TRAPPC11: variants seen among roughly 807,000 people sequenced by gnomAD.
The protein encoded by TRAPPC11 is trafficking protein particle complex subunit 11.
Under a neutral mutation model 151.2 loss-of-function variants are expected in TRAPPC11, and 104 were observed. The observed-to-expected ratio is 0.69, with a 90% CI of 0.59 to 0.81. The LOEUF (loss-of-function observed/expected upper bound fraction) is 0.81, where lower values mean the gene tolerates loss of function less well. Among genes scored for constraint, TRAPPC11 ranks in the 30% least tolerant of loss-of-function variants. TRAPPC11 has a pLI of 0.00. For missense variants in TRAPPC11, 1,230 were observed against 1,349.6 expected (o/e 0.91, Z 1.39); for synonymous variants, 456 against 472.3 (o/e 0.97, Z 0.45).
chr4:183,670,154 G>A (rs976677855), intron 5 of TRAPPC11, among the ~76,000 whole-genome samples: 7 of 152,130 alleles, frequency 4.6e-5, no homozygotes, highest in African/African-American at 1.7e-4. Flanking sequence ...AGCTACTGAT[G>A]GCACACTTAC....
intron 1 of TRAPPC11, among the ~76,000 whole-genome samples, chr4:183,662,086 G>T (rs1447584818): frequency 6.6e-6 from 1 of 151,902 alleles, no homozygotes; most frequent in Non-Finnish European, 1.5e-5. Flanking sequence ...TAATATGCTG[G>T]TATAGATTAT....
intron 10 of TRAPPC11, among the ~76,000 whole-genome samples, chr4:183,680,603 G>GGAAA (rs1330500122): frequency 4.0e-5 from 6 of 150,532 alleles, no homozygotes; most frequent in Non-Finnish European, 7.4e-5. Context: ...GTAAAAGTTT[G>GGAAA]GAAATCTGTT....
At chr4:183,686,791 T>C (rs765151515) in intron 18 of TRAPPC11, 43 bp downstream of exon 18, 3 of 1,600,840 alleles carry the variant, frequency 1.9e-6, no homozygotes, top group Admixed American at 3.4e-5. Flanking sequence ...TTTATCTTAT[T>C]GTAGCTTATG....
intron 5 of TRAPPC11, among the ~76,000 whole-genome samples, chr4:183,670,794 G>GT (rs944050618): frequency 5.3e-5 from 8 of 150,116 alleles, no homozygotes; most frequent in African/African-American, 1.5e-4. Context: ...TTGGTTTTTG[G>GT]TTTTTTTTTG....
intron 25 of TRAPPC11, among the ~76,000 whole-genome samples, chr4:183,698,201 A>T (rs1338632705): frequency 6.6e-6 from 1 of 152,180 alleles, no homozygotes; most frequent in Non-Finnish European, 1.5e-5. Context: ...GGTATTTATT[A>T]AAGAAACTTT....
chr4:183,674,070 TA>T (rs1311278151), intron 5 of TRAPPC11, among the ~76,000 whole-genome samples: 2 of 152,116 alleles, frequency 1.3e-5, no homozygotes, highest in Admixed American at 6.6e-5. Flanking sequence ...AGACTTTTTA[TA>T]AAAATATAAA....
intron 16 of TRAPPC11, 63 bp downstream of exon 16, chr4:183,685,208 A>C: frequency 6.2e-7 from 1 of 1,610,064 alleles, no homozygotes; most frequent in Non-Finnish European, 8.5e-7. Flanking sequence ...ATCTATATCA[A>C]CTAATCCAAG....
chr4:183,674,093 G>A (rs1399352096), intron 5 of TRAPPC11, among the ~76,000 whole-genome samples: 2 of 151,980 alleles, frequency 1.3e-5, no homozygotes, highest in African/African-American at 4.8e-5. Flanking sequence ...TAGTAGGGGC[G>A]AATGTGCTTT....
chr4:183,707,062 AAT>A, intron 28 of TRAPPC11, 122 bp downstream of exon 28: 1 of 1,247,216 alleles, frequency 8.0e-7, no homozygotes, highest in Non-Finnish European at 1.1e-6. Flanking sequence ...TTGTTTTGGT[AAT>A]AGTGAATTTT....
At chr4:183,690,525 A>G (rs1736208890) in intron 18 of TRAPPC11, among the ~76,000 whole-genome samples, 2 of 152,246 alleles carry the variant, frequency 1.3e-5, no homozygotes, top group Non-Finnish European at 2.9e-5. Context: ...TCCTCTAGAC[A>G]GTTGTGGATA....
intron 7 of TRAPPC11, chr4:183,675,472 A>C: frequency 7.9e-6 from 2 of 252,152 alleles, no homozygotes. Flanking sequence ...TGATTAATTA[A>C]ATTTTATGAG....
chr4:183,702,663 T>C (rs1338183481), intron 26 of TRAPPC11, among the ~76,000 whole-genome samples: 2 of 152,194 alleles, frequency 1.3e-5, no homozygotes, highest in African/African-American at 4.8e-5. Context: ...CAATTCAGGA[T>C]AGTGGTTACC....
intron 1 of TRAPPC11, among the ~76,000 whole-genome samples, chr4:183,660,999 G>T (rs370135206): frequency 6.6e-6 from 1 of 151,554 alleles, no homozygotes; most frequent in East Asian, 1.9e-4. Context: ...GGCGTGAGCC[G>T]CTGTACCCAG....
intron 3 of TRAPPC11, 65 bp downstream of exon 3, chr4:183,666,491 T>C (rs925020857): frequency 1.3e-6 from 2 of 1,513,848 alleles, no homozygotes; most frequent in African/African-American, 3.3e-5. Context: ...CTAACATTCC[T>C]TGAAGGCAAT....
chr4:183,663,383 A>G (rs889695260), intron 1 of TRAPPC11, among the ~76,000 whole-genome samples: 18 of 152,138 alleles, frequency 1.2e-4, no homozygotes, highest in Middle Eastern at 6.8e-3. Context: ...ACAGGCGCCC[A>G]CCACCACGCC....
At chr4:183,709,584 G>T (rs1310321073) in intron 29 of TRAPPC11, among the ~76,000 whole-genome samples, 1 of 152,086 alleles carries the variant, frequency 6.6e-6, no homozygotes, top group Admixed American at 6.6e-5. Flanking sequence ...GACCATCCTG[G>T]CTAACATGGT....
rs1735570362 is a variant in TRAPPC11 at position 183,679,467 on chromosome 4, G to A, written c.946G>A (p.Asp316Asn). Residue 316 changes from aspartate (D) to asparagine (N), a missense_variant, in exon 9 of 30, where the codon GAT (aspartate) becomes AAT (asparagine). Transcript: ENST00000334690. ...IGSAELSFEHDAWMSKQFQAF... is the reference protein window; with the variant it reads ...IGSAELSFEHNAWMSKQFQAF... The stretch of plus-strand genomic sequence containing the variant: ...AAGTGCAGAGCTGTCTTTTGAGCAT[G>A]ATGCATGGATGTCTAAACAGTATGT... 6.2e-7 allele frequency: 1 copy of A among 1,610,274 alleles called. No homozygotes were observed. Among genetic ancestry groups the A allele is most frequent in the Non-Finnish European group, 8.5e-7 (1 of 1,178,610 alleles).
Position 183,676,031 on chromosome 4 carries a change from A to G in TRAPPC11, c.734+794A>G, listed in dbSNP as rs1735389652. On this transcript the variant is annotated intron_variant, in intron 7 of 29. Coordinates refer to ENST00000334690, the MANE Select transcript of TRAPPC11 (RefSeq NM_021942.6). Reference sequence around the variant, plus strand: ...AGAAATAAATAAAAATAATTTTATTATTCACAGGAATATTGCAGAAACATC... The same window carrying G: ...AGAAATAAATAAAAATAATTTTATTGTTCACAGGAATATTGCAGAAACATC... 2.0e-5 allele frequency among the ~76,000 whole-genome samples: 3 copies of G among 152,352 alleles called. No individual in the cohort carries two copies. In the South Asian group the frequency reaches 6.2e-4, roughly 32 times the overall value.
intron 29 of TRAPPC11, among the ~76,000 whole-genome samples, chr4:183,709,545 G>A (rs563159394): frequency 1.1e-4 from 16 of 152,278 alleles, no homozygotes; most frequent in Admixed American, 8.5e-4. Flanking sequence ...GGAGGCCGAG[G>A]CGGGCAGATC....
Sources: allele counts gnomAD v4.1 joint callset (sites outside exome capture counted in the v4.1 genomes callset), GRCh38; gene constraint gnomAD v4.1.1; transcripts MANE v1.5; gene names NCBI Gene and HGNC (gene_info 2026-07-23, HGNC 2026-07-21).